CELF4: variants seen among roughly 807,000 people sequenced by gnomAD.
CELF4 encodes CUG-BP- and ETR-3-like factor 4.
Under a neutral mutation model 59.9 loss-of-function variants are expected in CELF4, and 18 were observed. That is an observed-to-expected ratio of 0.30 (90% CI 0.21 to 0.45). The LOEUF is 0.45. CELF4 is among the 20% of genes least tolerant of loss of function. CELF4 has a pLI of 1.00. For missense variants in CELF4, 456 were observed against 689.0 expected (o/e 0.66, Z 3.79); for synonymous variants, 261 against 267.1 (o/e 0.98, Z 0.22).
In CELF4 at chr18:37,249,494, C is replaced by T. The variant is rs144531507; in HGVS notation, c.*44+4273G>A. On this transcript the variant is annotated intron_variant, in intron 12 of 12. Transcript: ENST00000420428. The stretch of plus-strand genomic sequence containing the variant: ...AGCACAAACCTGAATAGCACACAGC[C>T]CCTGTCCCTAAAGCTCAATCTAGGG... Among the ~76,000 whole-genome samples the T allele has an allele frequency of 2.9e-3, 439 of 152,248 alleles. 6 individuals carry two copies. The highest frequency in any genetic ancestry group is 0.021 in the Admixed American group (318 of 15,296).
At chr18:37,401,706 C>T (rs2099328272) in intron 2 of CELF4, among the ~76,000 whole-genome samples, 1 of 152,174 alleles carries the variant, frequency 6.6e-6, no homozygotes, top group African/African-American at 2.4e-5. Context: ...CAGCCATGAG[C>T]CAGAAATCCT....
chr18:37,483,584 T>C (rs1204339443), intron 2 of CELF4, among the ~76,000 whole-genome samples: 4 of 152,336 alleles, frequency 2.6e-5, no homozygotes, highest in African/African-American at 7.2e-5. Context: ...GTCTTTGTGA[T>C]TTCAGAAAAA....
chr18:37,301,390 G>A (rs1276748259), intron 3 of CELF4, among the ~76,000 whole-genome samples: 1 of 152,176 alleles, frequency 6.6e-6, no homozygotes, highest in Non-Finnish European at 1.5e-5. Context: ...ATGGGTCCCT[G>A]TGATGGCTCA....
intron 1 of CELF4, among the ~76,000 whole-genome samples, chr18:37,564,813 T>G (rs75132527): frequency 6.8e-6 from 1 of 146,962 alleles, no homozygotes; most frequent in East Asian, 2.0e-4. Context: ...ACAGGGAGAG[T>G]TTACTGTTAC....
intron 2 of CELF4, among the ~76,000 whole-genome samples, chr18:37,359,183 G>A (rs952850804): frequency 6.6e-6 from 1 of 152,186 alleles, no homozygotes; most frequent in Non-Finnish European, 1.5e-5. Context: ...AAGGGAGCCT[G>A]GCAAAGGAAT....
At chr18:37,307,385 C>T (rs374175671) in intron 3 of CELF4, among the ~76,000 whole-genome samples, 59 of 152,236 alleles carry the variant, frequency 3.9e-4, no homozygotes, top group African/African-American at 1.3e-3. Flanking sequence ...AGCAACTCTC[C>T]GATCCAAATT....
chr18:37,375,976 G>C (rs1269015502), intron 2 of CELF4, among the ~76,000 whole-genome samples: 1 of 152,130 alleles, frequency 6.6e-6, no homozygotes, highest in African/African-American at 2.4e-5. Context: ...TGCTTTTCCT[G>C]TAACAAATTA....
At chr18:37,408,491 C>T (rs1195584976) in intron 2 of CELF4, among the ~76,000 whole-genome samples, 5 of 40,970 alleles carry the variant, frequency 1.2e-4, no homozygotes, top group Non-Finnish European at 2.3e-4. Context: ...TTGGTTGGTG[C>T]CGGGGGGGGG....
chr18:37,563,458 T>A (rs1465181815), intron 1 of CELF4, among the ~76,000 whole-genome samples: 1 of 152,088 alleles, frequency 6.6e-6, no homozygotes, highest in Non-Finnish European at 1.5e-5. Flanking sequence ...ATTATTACTA[T>A]TTTTTACAAT....
intron 1 of CELF4, among the ~76,000 whole-genome samples, chr18:37,489,030 T>C (rs925202438): frequency 1.3e-5 from 2 of 152,204 alleles, no homozygotes; most frequent in African/African-American, 4.8e-5. Context: ...TCAATATCAG[T>C]TCACTGTTGT....
chr18:37,342,959 G>A (rs1224854779), intron 2 of CELF4, among the ~76,000 whole-genome samples: 2 of 152,172 alleles, frequency 1.3e-5, no homozygotes, highest in Non-Finnish European at 2.9e-5. Context: ...GACCCCCACT[G>A]GGAGTTGCCC....
At chr18:37,265,875 C>A (rs2077293642) in intron 9 of CELF4, among the ~76,000 whole-genome samples, 2 of 152,194 alleles carry the variant, frequency 1.3e-5, no homozygotes, top group African/African-American at 4.8e-5. Flanking sequence ...CAGTAGGACA[C>A]AGGCTAGGCA....
chr18:37,285,821 T>C (rs1248124141), intron 3 of CELF4, among the ~76,000 whole-genome samples: 1 of 152,190 alleles, frequency 6.6e-6, no homozygotes, highest in African/African-American at 2.4e-5. Context: ...TCCAGGTAAC[T>C]GATTATACAT....
chr18:37,562,372 TTTTCC>T (rs1196004276), intron 1 of CELF4, among the ~76,000 whole-genome samples: 2 of 51,034 alleles, frequency 3.9e-5, no homozygotes, highest in Admixed American at 8.3e-4. Flanking sequence ...CTTCTTTTCC[TTTTCC>T]TTTTTTTTTT....
At chr18:37,543,370 G>A (rs1261243510) in intron 1 of CELF4, among the ~76,000 whole-genome samples, 8 of 152,138 alleles carry the variant, frequency 5.3e-5, no homozygotes, top group African/African-American at 9.7e-5. Flanking sequence ...GCATCTTCCC[G>A]GCCATCTCCC....
At chr18:37,537,382 C>T (rs568473216) in intron 1 of CELF4, among the ~76,000 whole-genome samples, 2 of 152,308 alleles carry the variant, frequency 1.3e-5, no homozygotes, top group East Asian at 3.9e-4. Context: ...GAATGGTGCT[C>T]TCTATCCAAG....
intron 8 of CELF4, among the ~76,000 whole-genome samples, chr18:37,268,322 GTGGT>G (rs1403809757): frequency 6.6e-6 from 1 of 152,148 alleles, no homozygotes; most frequent in Non-Finnish European, 1.5e-5. Flanking sequence ...GCTTGGGAGG[GTGGT>G]CTCCTCTCTG....
chr18:37,416,806 G>A (rs1220829100), intron 2 of CELF4, among the ~76,000 whole-genome samples: 1 of 152,146 alleles, frequency 6.6e-6, no homozygotes, highest in African/African-American at 2.4e-5. Flanking sequence ...CATCTGTCCT[G>A]TGTTGAGAAG....
intron 1 of CELF4, among the ~76,000 whole-genome samples, chr18:37,511,536 G>T (rs1337740681): frequency 2.0e-5 from 3 of 151,680 alleles, no homozygotes; most frequent in African/African-American, 7.3e-5. Context: ...TGACACTCTT[G>T]GTCTAACATA....
Sources: allele counts gnomAD v4.1 joint callset (sites outside exome capture counted in the v4.1 genomes callset), GRCh38; gene constraint gnomAD v4.1.1; transcripts MANE v1.5; gene names NCBI Gene and HGNC (gene_info 2026-07-23, HGNC 2026-07-21).